The following SOBP variants were observed in gnomAD, a reference collection of about 807,000 sequenced individuals.
The protein encoded by SOBP is sine oculis-binding protein homolog.
In SOBP, 4 loss-of-function variants were observed where a neutral mutation model predicts 53.6. That is an observed-to-expected ratio of 0.07 (90% confidence interval 0.04 to 0.17). The LOEUF (loss-of-function observed/expected upper bound fraction) is 0.17, where lower values mean the gene tolerates loss of function less well. Among genes scored for constraint, SOBP ranks in the 10% least tolerant of loss-of-function variants. SOBP has a pLI of 1.00. For missense variants in SOBP, 1,088 were observed against 1,204.7 expected (o/e 0.90, Z 1.43); for synonymous variants, 584 against 522.6 (o/e 1.12, Z -1.60).
At chr6:107,533,739 T>C in intron 4 of SOBP, 129 bp downstream of exon 4, 1 of 1,193,030 alleles carries the variant, frequency 8.4e-7, no homozygotes, top group Admixed American at 2.1e-5. Flanking sequence ...TCTGTTTTGT[T>C]GATTCCCCTT....
chr6:107,500,740 TG>T (rs1166932874), intron 1 of SOBP, among the ~76,000 whole-genome samples: 4 of 152,114 alleles, frequency 2.6e-5, no homozygotes, highest in African/African-American at 9.7e-5. Context: ...TTAGCCAGGA[TG>T]GTCTCGATCT....
chr6:107,557,322 A>G (rs968792092), intron 4 of SOBP, among the ~76,000 whole-genome samples: 1 of 152,248 alleles, frequency 6.6e-6, no homozygotes, highest in Admixed American at 6.5e-5. Context: ...AAAAGCAAAG[A>G]TACATTTTAA....
In SOBP at chr6:107,635,060, AGCCGCCTCCCGAGCAGCCGCC is replaced by A; in HGVS notation, c.2223_2243del (p.Glu743_Pro749del). On this transcript the variant is annotated inframe_deletion, in exon 6 of 7. Coordinates refer to ENST00000317357, the MANE Select transcript of SOBP (RefSeq NM_018013.4). This position sits in a 1 kb window ranked among gnomAD's most constrained non-coding sequence, Gnocchi z 4.5. ...GCCGCCGAGGGCGCTAAGAGCGCGGAGCCGCCTCCCGAGCAGCCGCCGCCGCCGCCGCCGCCCGCGCCCCCC... is the reference window on the plus strand; with the variant it reads ...GCCGCCGAGGGCGCTAAGAGCGCGGAGCCGCCGCCGCCGCCCGCGCCCCCC... 6.5e-7 allele frequency: 1 copy of A among 1,529,060 alleles called. No homozygotes were observed. Among genetic ancestry groups the A allele is most frequent in the Non-Finnish European group, 8.8e-7 (1 of 1,138,122 alleles). The allele number at this position is 1,529,060 out of a possible 1,614,324, so 94.7% of individuals were successfully genotyped here.
At chr6:107,528,132 C>G (rs943663668) in intron 3 of SOBP, among the ~76,000 whole-genome samples, 1 of 152,176 alleles carries the variant, frequency 6.6e-6, no homozygotes, top group African/African-American at 2.4e-5. Context: ...AAGAATCATT[C>G]ATTTCAAAGC....
chr6:107,521,892 G>A (rs1783501297), intron 3 of SOBP, among the ~76,000 whole-genome samples: 1 of 145,538 alleles, frequency 6.9e-6, no homozygotes, highest in South Asian at 2.2e-4. Flanking sequence ...TAGTCTGGTG[G>A]AAGAGACAGA....
intron 3 of SOBP, chr6:107,529,404 T>G: frequency 1.0e-6 from 1 of 978,406 alleles, no homozygotes; most frequent in Non-Finnish European, 1.2e-6. Flanking sequence ...GCCTTGTAAC[T>G]TGTCTCAAAT....
At position 107,634,885 on chromosome 6, in the gene SOBP, G is replaced by A. The variant is rs1236608591; in HGVS notation, c.2041G>A (p.Glu681Lys). ...GCACGCGCACGTCAAGGCGGAGCGC[G>A]AGCCGAGCGCCGCGGAGCGCAGGAC... ...ALHAHVKAER[E>K]PSAAERRTCG... Residue 681 changes from glutamate to lysine, a missense_variant, in exon 6 of 7, where the codon GAG (glutamate) becomes AAG (lysine). Physicochemically the swap from Glu to Lys is moderately conservative, Grantham distance 56. Transcript: ENST00000317357. The surrounding 1 kb of genome is among the most constrained non-coding windows in gnomAD (Gnocchi z 4.5). The A allele has an allele frequency of 1.5e-6, 2 of 1,333,892 alleles. No individual in the cohort carries two copies. The highest frequency in any genetic ancestry group is 1.9e-6 in the Non-Finnish European group (2 of 1,033,524). 82.6% of individuals were successfully genotyped at this position (1,333,892 alleles called of 1,614,324 possible). A position where few individuals can be genotyped will look rare whatever the true frequency, so the allele number is the denominator to read the frequency against.
rs80281145 is a variant in SOBP, at chr6:107,631,959, C to T, written c.670-1555C>T. On this transcript the variant is annotated intron_variant, in intron 5 of 6. Coordinates refer to ENST00000317357, the MANE Select transcript of SOBP (RefSeq NM_018013.4). ...CATACAGACCCACATCTGCCAAGTG[C>T]GTGTTCGCCCATGATCACATACCAG... 3.2e-3 allele frequency among the ~76,000 whole-genome samples: 481 copies of T among 152,302 alleles called. 1 individual carries two copies. The highest frequency in any genetic ancestry group is 0.011 in the African/African-American group (457 of 41,564).
chr6:107,608,232 T>C (rs1481723180), intron 5 of SOBP, among the ~76,000 whole-genome samples: 1 of 152,214 alleles, frequency 6.6e-6, no homozygotes, highest in African/African-American at 2.4e-5. Flanking sequence ...GGCAAAATGC[T>C]GCCAGTGATT....
Position 107,634,475 on chromosome 6 carries a change from C to A in SOBP, c.1631C>A (p.Pro544His). The change falls in exon 6 of 7, where the codon CCT becomes CAT. Residue 544 changes from proline (P) to histidine (H), a missense_variant. By Grantham distance (77) the Pro-to-His change is moderately conservative. Transcript: ENST00000317357. This position sits in a 1 kb window ranked among gnomAD's most constrained non-coding sequence, Gnocchi z 4.5. ...PVPIPIPIPI[P>H]HVSDSKPPNG... ...CCCATCCCCATCCCCATCCCTATCC[C>A]TCACGTCAGCGACTCCAAGCCCCCC... 6.2e-7 allele frequency: 1 copy of A among 1,611,560 alleles called. No homozygotes were observed. Among genetic ancestry groups the A allele is most frequent in the South Asian group, 1.1e-5 (1 of 91,082 alleles).
At chr6:107,631,230 AT>A (rs1186260164) in intron 5 of SOBP, among the ~76,000 whole-genome samples, 8 of 152,342 alleles carry the variant, frequency 5.3e-5, no homozygotes, top group East Asian at 1.9e-4. Context: ...ATCCAAAAAA[AT>A]ATGCCAGAAA....
rs573616248 is a variant in SOBP, at chr6:107,493,368, C to T, written c.96+2656C>T. 4.6e-5 allele frequency among the ~76,000 whole-genome samples: 7 copies of T among 152,202 alleles called. No homozygotes were observed. The South Asian group carries it at 1.5e-3, about 32-fold the overall frequency. On this transcript the variant is annotated intron_variant, in intron 1 of 6. Coordinates refer to ENST00000317357, the MANE Select transcript of SOBP (RefSeq NM_018013.4). Reference sequence around the variant, plus strand: ...GCTAGCGTGGCCTAAGCTGTAAAAACGGAAACCTGAGCCCCCACCTCGGAT... The same window carrying T: ...GCTAGCGTGGCCTAAGCTGTAAAAATGGAAACCTGAGCCCCCACCTCGGAT...
rs1770882470 is a variant in SOBP at position 107,634,396 on chromosome 6, G to T, written c.1552G>T (p.Val518Leu). 1.2e-6 allele frequency: 2 copies of T among 1,600,692 alleles called. No homozygotes were observed. The highest frequency in any genetic ancestry group is 1.7e-6 in the Non-Finnish European group (2 of 1,178,976). ...CGGGCTGCCGTCGCTTGCCCCGCTG[G>T]TGCCGCCCCCGACCCTGCTCGTGCC... ...NFGLPSLAPL[V>L]PPPTLLVPYP... is the part of the protein sequence containing the mutation. Residue 518 changes from valine (V) to leucine (L), a missense_variant, in exon 6 of 7, where the codon GTG becomes TTG. Transcript: ENST00000317357. The surrounding 1 kb of genome is among the most constrained non-coding windows in gnomAD (Gnocchi z 4.5).
At chr6:107,537,881 C>A (rs1784047572) in intron 4 of SOBP, among the ~76,000 whole-genome samples, 1 of 150,512 alleles carries the variant, frequency 6.6e-6, no homozygotes, top group African/African-American at 2.4e-5. Context: ...GGTTCCCCAG[C>A]AGATCACAGT....
chr6:107,528,886 A>C (rs1783741754), intron 3 of SOBP, among the ~76,000 whole-genome samples: 1 of 152,196 alleles, frequency 6.6e-6, no homozygotes, highest in Non-Finnish European at 1.5e-5. Flanking sequence ...ATATGTACTT[A>C]TTGTGTGATT....
At position 107,490,495 on chromosome 6, in the gene SOBP, G is replaced by T; in HGVS notation, c.-122G>T. 1 of 726,200 alleles carries T rather than the reference G, an allele frequency of 1.4e-6. No homozygotes were observed. The highest frequency in any genetic ancestry group is 2.1e-5 in the Admixed American group (1 of 47,020). The allele number at this position is 726,200 out of a possible 1,614,324, so 45.0% of individuals were successfully genotyped here. On this transcript the variant is annotated 5_prime_UTR_variant, in exon 1 of 7. Coordinates refer to ENST00000317357, the MANE Select transcript of SOBP (RefSeq NM_018013.4). ...CTCGCGGCTCGGTCCGGCCCCGCCA[G>T]CACCGCTACCTCCGCCAGCCTCGCC...
intron 6 of SOBP, among the ~76,000 whole-genome samples, chr6:107,644,108 GC>G (rs1217929609): frequency 6.6e-6 from 1 of 152,170 alleles, no homozygotes; most frequent in Non-Finnish European, 1.5e-5. Context: ...TTCAAGACCA[GC>G]CTGGCCAACA....
chr6:107,600,807 A>G (rs1051661387), intron 5 of SOBP, among the ~76,000 whole-genome samples: 7 of 152,230 alleles, frequency 4.6e-5, no homozygotes, highest in Non-Finnish European at 1.0e-4. Flanking sequence ...AATGCCATCT[A>G]TCTAGTCAGC....
intron 6 of SOBP, among the ~76,000 whole-genome samples, chr6:107,637,127 T>C (rs1396070276): frequency 6.6e-6 from 1 of 152,222 alleles, no homozygotes; most frequent in Admixed American, 6.5e-5. Context: ...AAACTGAGTC[T>C]ACCTCCTAAC....
Sources: gnomAD v4.1 joint callset for allele counts (sites outside exome capture counted in the v4.1 genomes callset) on GRCh38, gnomAD v4.1.1 for gene constraint, Gnocchi (gnomAD v3.1) non-coding constraint, MANE v1.5 for transcripts, NCBI Gene and HGNC (gene_info 2026-07-23, HGNC 2026-07-21) for gene names.